The following AGPAT4 variants were observed in gnomAD, a reference collection of about 807,000 sequenced individuals.
AGPAT4 encodes the protein 1-acylglycerol-3-phosphate O-acyltransferase 4.
In AGPAT4, 15 loss-of-function variants were observed where a neutral mutation model predicts 48.0. That is an observed-to-expected ratio of 0.31 (90% confidence interval 0.21 to 0.48). AGPAT4 has a LOEUF of 0.48. Among genes scored for constraint, AGPAT4 ranks in the 20% least tolerant of loss-of-function variants. The pLI is 0.99. For synonymous variants in AGPAT4, 178 were observed against 198.7 expected (o/e 0.90, Z 0.88); for missense variants, 314 against 482.5 (o/e 0.65, Z 3.27).
rs575125856 is a variant in AGPAT4, at chr6:161,258,782, T to C, written c.-90+15156A>G. 4.6e-4 allele frequency among the ~76,000 whole-genome samples: 70 copies of C among 150,800 alleles called. 1 individual carries two copies. The highest frequency in any genetic ancestry group is 1.7e-3 in the African/African-American group (68 of 40,258). ...AGATGTGAAAGACTTGGGGACTATT[T>C]TACCACAAGCATTTAATTTTTTTTT... On this transcript the variant is annotated intron_variant, in intron 1 of 8. Transcript: ENST00000320285.
intron 2 of AGPAT4, among the ~76,000 whole-genome samples, chr6:161,191,334 TAAG>T (rs1259409735): frequency 6.6e-6 from 1 of 152,116 alleles, no homozygotes; most frequent in Non-Finnish European, 1.5e-5. Context: ...AAATTAGGAA[TAAG>T]AAGTATGGAA....
At chr6:161,237,435 A>T (rs551557956) in intron 1 of AGPAT4, among the ~76,000 whole-genome samples, 1 of 152,334 alleles carries the variant, frequency 6.6e-6, no homozygotes, top group East Asian at 1.9e-4. Flanking sequence ...CTTCAGCACC[A>T]CTTGGATGTA....
At chr6:161,153,544 C>G in intron 4 of AGPAT4, 45 bp from the exon 5 acceptor site, 1 of 1,600,714 alleles carries the variant, frequency 6.2e-7, no homozygotes, top group Non-Finnish European at 8.5e-7. Flanking sequence ...CGGGGTCACA[C>G]ACAGCCCTGG....
intron 2 of AGPAT4, among the ~76,000 whole-genome samples, chr6:161,181,503 C>CGGGGGGGGGG (rs776492737): frequency 2.4e-5 from 3 of 126,154 alleles, no homozygotes; most frequent in African/African-American, 3.0e-5. Flanking sequence ...GTGGGGGTAG[C>CGGGGGGGGGG]AGGGGGCGGG....
chr6:161,271,420 C>T (rs1226164311), intron 1 of AGPAT4, among the ~76,000 whole-genome samples: 1 of 152,196 alleles, frequency 6.6e-6, no homozygotes, highest in South Asian at 2.1e-4. Context: ...TTTCGCCACC[C>T]GTTTGGTGGA....
At position 161,154,070 on chromosome 6, in the gene AGPAT4, C is replaced by T; in HGVS notation, c.510+79G>A. ...GCACAGGACCACACAGTCACGTGTC[C>T]TGTGGAAGTCACATGGGGGTCCCAC... On this transcript the variant is annotated intron_variant, in intron 4 of 8. Transcript: ENST00000320285. The surrounding 1 kb of genome is among the most constrained non-coding windows in gnomAD (Gnocchi z 7.8). The T allele has an allele frequency of 6.3e-7, 1 of 1,587,808 alleles. No individual in the cohort carries two copies. Among genetic ancestry groups the T allele is most frequent in the Non-Finnish European group, 8.6e-7 (1 of 1,160,426 alleles).
At position 161,214,768 on chromosome 6, in the gene AGPAT4, C is replaced by CAAAA. The variant is rs1052742345; in HGVS notation, c.178+17264_178+17267dup. Among the ~76,000 whole-genome samples, 7 of 151,922 alleles carry CAAAA rather than the reference C, an allele frequency of 4.6e-5. No homozygotes were observed. The highest frequency in any genetic ancestry group is 1.7e-4 in the African/African-American group (7 of 41,320). On this transcript the variant is annotated intron_variant, in intron 2 of 8. Transcript: ENST00000320285. This position sits in a 1 kb window ranked among gnomAD's most constrained non-coding sequence, Gnocchi z 5.4. ...TGGGTGACAGAGGAAGACTCCGTCT[C>CAAAA]AAAATAAATAAATAAATAAATAATA...
chr6:161,151,153 G>A (rs1779582852), intron 5 of AGPAT4, among the ~76,000 whole-genome samples: 2 of 152,246 alleles, frequency 1.3e-5, no homozygotes, highest in African/African-American at 4.8e-5. Flanking sequence ...GCCCCCGCCA[G>A]CCAGGAGCAA....
intron 1 of AGPAT4, among the ~76,000 whole-genome samples, chr6:161,253,197 A>G (rs1423182676): frequency 6.6e-6 from 1 of 150,808 alleles, no homozygotes; most frequent in Non-Finnish European, 1.5e-5. Flanking sequence ...TGGGTAACAG[A>G]GCTAGACTCC....
In AGPAT4 at chr6:161,136,466, G is replaced by T. The variant is rs554831925; in HGVS notation, c.*74C>A. On this transcript the variant is annotated 3_prime_UTR_variant, in exon 9 of 9. Coordinates refer to ENST00000320285, the MANE Select transcript of AGPAT4 (RefSeq NM_020133.3). ...AGGGGCTCACCCAGCCTTTGTCACC[G>T]TGTCCCACTAAGGAGGATATGCAGA... 2.1e-5 allele frequency: 29 copies of T among 1,371,092 alleles called. No individual in the cohort carries two copies. Among genetic ancestry groups the T allele is most frequent in the Admixed American group, 1.4e-4 (8 of 58,032 alleles). The allele number at this position is 1,371,092 out of a possible 1,614,324, so 84.9% of individuals were successfully genotyped here. A position where few individuals can be genotyped will look rare whatever the true frequency, so the allele number is the denominator to read the frequency against.
At position 161,218,162 on chromosome 6, in the gene AGPAT4, C is replaced by T. The variant is rs961944313; in HGVS notation, c.178+13874G>A. ...CACAAGATGACTGTAGCTCTCTACCCCCGTCCACAGTGACGGTGCCAATGG... is the reference window on the plus strand; with the variant it reads ...CACAAGATGACTGTAGCTCTCTACCTCCGTCCACAGTGACGGTGCCAATGG... On this transcript the variant is annotated intron_variant, in intron 2 of 8. Transcript: ENST00000320285. The surrounding 1 kb of genome is among the most constrained non-coding windows in gnomAD (Gnocchi z 4.7). Among the ~76,000 whole-genome samples the T allele has an allele frequency of 1.3e-5, 2 of 152,154 alleles. No individual in the cohort carries two copies. Among genetic ancestry groups the T allele is most frequent in the African/African-American group, 4.8e-5 (2 of 41,438 alleles).
Position 161,232,154 on chromosome 6 carries a change from G to A in AGPAT4, c.60C>T (p.Val20=). ...QFLCHLVFCY[V]FIASGLIINT... is the part of the protein sequence containing the mutation. ...TGATGATTAGCCCTGAGGCAATAAA[G>A]ACGTAGCAGAAGACCAGGTGGCACA... Residue 20 remains valine (V), a synonymous_variant, in exon 2 of 9, where the codon GTC becomes GTT. Transcript: ENST00000320285. This position sits in a 1 kb window ranked among gnomAD's most constrained non-coding sequence, Gnocchi z 6.8. The A allele has an allele frequency of 1.9e-6, 3 of 1,614,186 alleles. No homozygotes were observed. Among genetic ancestry groups the A allele is most frequent in the Non-Finnish European group, 1.7e-6 (2 of 1,180,042 alleles).
At position 161,181,687 on chromosome 6, in the gene AGPAT4, G is replaced by A. The variant is rs145945999; in HGVS notation, c.179-15270C>T. On this transcript the variant is annotated intron_variant, in intron 2 of 8. Coordinates refer to ENST00000320285, the MANE Select transcript of AGPAT4 (RefSeq NM_020133.3). ...CTGCAACCAGATTTCAGCACTTTCTGTGACACCAAACTGGGAGCCCAGCTG... is the reference window on the plus strand; with the variant it reads ...CTGCAACCAGATTTCAGCACTTTCTATGACACCAAACTGGGAGCCCAGCTG... Among the ~76,000 whole-genome samples, 1,234 of 152,248 alleles carry A rather than the reference G, an allele frequency of 8.1e-3. 22 individuals are homozygous for A. Among genetic ancestry groups the A allele is most frequent in the African/African-American group, 0.028 (1,150 of 41,536 alleles).
chr6:161,174,684 T>G (rs1022487154), intron 2 of AGPAT4, among the ~76,000 whole-genome samples: 1 of 152,218 alleles, frequency 6.6e-6, no homozygotes, highest in Non-Finnish European at 1.5e-5. Flanking sequence ...CAACACTATG[T>G]TGAATAGGAG....
rs1466225889 is a variant in AGPAT4, at chr6:161,226,764, G to T, written c.178+5272C>A. Among the ~76,000 whole-genome samples, 4 of 152,176 alleles carry T rather than the reference G, an allele frequency of 2.6e-5. No individual in the cohort carries two copies. The highest frequency in any genetic ancestry group is 9.7e-5 in the African/African-American group (4 of 41,432). ...GTTACCATAGAGGAGGCTCCTGAGA[G>T]GCCACCTTGCCTTCCCTGTGCTGCC... On this transcript the variant is annotated intron_variant, in intron 2 of 8. Coordinates refer to ENST00000320285, the MANE Select transcript of AGPAT4 (RefSeq NM_020133.3). This position sits in a 1 kb window ranked among gnomAD's most constrained non-coding sequence, Gnocchi z 6.3.
intron 1 of AGPAT4, among the ~76,000 whole-genome samples, chr6:161,250,230 T>C (rs1180273020): frequency 6.6e-6 from 1 of 152,000 alleles, no homozygotes; most frequent in East Asian, 1.9e-4. Flanking sequence ...TCAGGAAAAA[T>C]AACTAAGAGG....
chr6:161,266,701 G>T lies in AGPAT4; in HGVS notation c.-90+7237C>A, dbSNP rs1783274261. Among the ~76,000 whole-genome samples the T allele has an allele frequency of 6.6e-6, 1 of 152,202 alleles. No individual in the cohort carries two copies. The highest frequency in any genetic ancestry group is 2.4e-5 in the African/African-American group (1 of 41,448). On this transcript the variant is annotated intron_variant, in intron 1 of 8. Coordinates refer to ENST00000320285, the MANE Select transcript of AGPAT4 (RefSeq NM_020133.3). This position sits in a 1 kb window ranked among gnomAD's most constrained non-coding sequence, Gnocchi z 6.2. ...AGACAAGAAAAGAAATGAGCCTGAT[G>T]ACTTACTCCTGGGACGCAGGACACA...
intron 2 of AGPAT4, among the ~76,000 whole-genome samples, chr6:161,193,713 C>G (rs554009755): frequency 1.3e-5 from 2 of 152,352 alleles, no homozygotes; most frequent in African/African-American, 4.8e-5. Context: ...TGTGTTGACA[C>G]TACTGGAATG....
intron 5 of AGPAT4, among the ~76,000 whole-genome samples, chr6:161,151,205 C>A (rs1305437390): frequency 6.6e-6 from 1 of 152,246 alleles, no homozygotes; most frequent in Non-Finnish European, 1.5e-5. Flanking sequence ...ACTGCGCCAG[C>A]TCCTTAACTT....
Sources: allele counts gnomAD v4.1 joint callset (sites outside exome capture counted in the v4.1 genomes callset), GRCh38; gene constraint gnomAD v4.1.1; non-coding constraint Gnocchi (gnomAD v3.1); transcripts MANE v1.5; gene names NCBI Gene and HGNC (gene_info 2026-07-23, HGNC 2026-07-21).